SBF2: variants seen among roughly 807,000 people sequenced by gnomAD.
SBF2 encodes the protein SET binding factor 2, also known as myotubularin-related protein 13.
In SBF2, 112 loss-of-function variants were observed where a neutral mutation model predicts 225.2. The observed-to-expected ratio is 0.50, with a 90% CI of 0.43 to 0.58. The LOEUF is 0.58. Ranked by LOEUF, SBF2 falls within the 20% of genes least tolerant of loss-of-function variation. SBF2 has a pLI of 0.00. For missense variants in SBF2, 1,996 were observed against 2,206.2 expected, an observed-to-expected ratio of 0.90 and a Z score of 1.91; for synonymous variants, 763 against 773.3, an observed-to-expected ratio of 0.99 and a Z score of 0.22.
intron 17 of SBF2, among the ~76,000 whole-genome samples, chr11:9,870,219 G>A (rs1010325317): frequency 3.9e-5 from 6 of 152,066 alleles, no homozygotes; most frequent in African/African-American, 1.4e-4. Flanking sequence ...ACAAACAAAT[G>A]GAAAAACATT....
intron 13 of SBF2, among the ~76,000 whole-genome samples, chr11:9,986,116 T>A (rs1452334925): frequency 2.0e-5 from 3 of 152,124 alleles, no homozygotes; most frequent in Non-Finnish European, 4.4e-5. Context: ...AACAGGAAAT[T>A]GACGCCAAAA....
chr11:10,089,927 A>G (rs1951712261), intron 2 of SBF2, among the ~76,000 whole-genome samples: 1 of 152,248 alleles, frequency 6.6e-6, no homozygotes, highest in Non-Finnish European at 1.5e-5. Flanking sequence ...AGGTGGAAAC[A>G]ACCAAAATGT....
intron 1 of SBF2, among the ~76,000 whole-genome samples, chr11:10,258,857 T>C (rs889729655): frequency 6.6e-6 from 1 of 152,094 alleles, no homozygotes; most frequent in Admixed American, 6.5e-5. Context: ...AAGAGCCATA[T>C]AGTGACAATA....
chr11:9,804,878 C>T (rs965973616), intron 32 of SBF2, among the ~76,000 whole-genome samples: 1 of 152,082 alleles, frequency 6.6e-6, no homozygotes, highest in African/African-American at 2.4e-5. Flanking sequence ...TCATGCTACC[C>T]CTTTATAGTC....
intron 1 of SBF2, among the ~76,000 whole-genome samples, chr11:10,197,841 C>T (rs559704996): frequency 6.6e-6 from 1 of 152,290 alleles, no homozygotes; most frequent in Non-Finnish European, 1.5e-5. Flanking sequence ...TTTCAAGAAA[C>T]CATTTTCTTT....
intron 16 of SBF2, among the ~76,000 whole-genome samples, chr11:9,955,312 C>A (rs937574011): frequency 1.3e-5 from 2 of 151,910 alleles, no homozygotes; most frequent in African/African-American, 4.8e-5. Context: ...CTATCATATA[C>A]ATACATACAT....
chr11:10,226,277 C>A (rs11042671), intron 1 of SBF2, among the ~76,000 whole-genome samples: 4 of 152,056 alleles, frequency 2.6e-5, no homozygotes, highest in Non-Finnish European at 4.4e-5. Context: ...TATGAAGTAA[C>A]ATTTAAGAAA....
intron 2 of SBF2, among the ~76,000 whole-genome samples, chr11:10,061,945 G>A (rs1950460768): frequency 1.3e-5 from 2 of 152,146 alleles, no homozygotes; most frequent in Non-Finnish European, 2.9e-5. Flanking sequence ...TCAAACTATA[G>A]TGCAAGGCTA....
chr11:9,910,595 A>T (rs1489857143), intron 16 of SBF2, among the ~76,000 whole-genome samples: 1 of 152,072 alleles, frequency 6.6e-6, no homozygotes, highest in African/African-American at 2.4e-5. Context: ...TTCCAGTGAG[A>T]CAAGATGTGG....
intron 1 of SBF2, among the ~76,000 whole-genome samples, chr11:10,249,612 G>C (rs1334976510): frequency 2.6e-5 from 4 of 151,954 alleles, no homozygotes; most frequent in Non-Finnish European, 5.9e-5. Flanking sequence ...ATAATATCAA[G>C]TGTTTTATAC....
chr11:10,266,582 G>A (rs903002238), intron 1 of SBF2, among the ~76,000 whole-genome samples: 2 of 152,154 alleles, frequency 1.3e-5, no homozygotes, highest in Non-Finnish European at 2.9e-5. Flanking sequence ...AAATTACTCT[G>A]GTGGCAATAT....
chr11:10,103,208 C>T (rs1247123263), intron 2 of SBF2, among the ~76,000 whole-genome samples: 2 of 152,182 alleles, frequency 1.3e-5, no homozygotes, highest in South Asian at 2.1e-4. Flanking sequence ...TTTGTGATAT[C>T]CAGTGTTTTA....
chr11:9,959,770 C>T, intron 16 of SBF2: 1 of 643,676 alleles, frequency 1.6e-6, no homozygotes. Context: ...TAAGTGGGAG[C>T]TTGCTGAGAT....
intron 2 of SBF2, among the ~76,000 whole-genome samples, chr11:10,150,339 T>C (rs1955114553): frequency 6.6e-6 from 1 of 152,172 alleles, no homozygotes; most frequent in African/African-American, 2.4e-5. Context: ...TTAGTCATGA[T>C]TGGATAAAAT....
chr11:10,059,419 A>G (rs189502494), intron 2 of SBF2, among the ~76,000 whole-genome samples: 2 of 152,292 alleles, frequency 1.3e-5, no homozygotes, highest in Admixed American at 6.5e-5. Flanking sequence ...AGAAATAGCA[A>G]TACATAATGA....
chr11:10,137,961 T>C (rs200292432), intron 2 of SBF2, among the ~76,000 whole-genome samples: 5 of 151,846 alleles, frequency 3.3e-5, no homozygotes, highest in East Asian at 1.9e-4. Flanking sequence ...GATTGTGCCA[T>C]TGCACTCCAG....
At chr11:9,886,791 C>T (rs1860355668) in intron 17 of SBF2, among the ~76,000 whole-genome samples, 1 of 141,852 alleles carries the variant, frequency 7.0e-6, no homozygotes, top group African/African-American at 2.5e-5. Flanking sequence ...ATTTATCATT[C>T]ATGGGCACAC....
chr11:9,926,712 A>T (rs1298348962), intron 16 of SBF2, among the ~76,000 whole-genome samples: 1 of 152,204 alleles, frequency 6.6e-6, no homozygotes, highest in Non-Finnish European at 1.5e-5. Flanking sequence ...AAAAATGAAG[A>T]CATATTATAT....
At chr11:10,091,672 T>C (rs1274899719) in intron 2 of SBF2, among the ~76,000 whole-genome samples, 1 of 152,172 alleles carries the variant, frequency 6.6e-6, no homozygotes, top group East Asian at 1.9e-4. Context: ...ATCTCATCAT[T>C]TATTCCACTC....
Sources: allele counts gnomAD v4.1 joint callset (sites outside exome capture counted in the v4.1 genomes callset), GRCh38; gene constraint gnomAD v4.1.1; transcripts MANE v1.5; gene names NCBI Gene and HGNC (gene_info 2026-07-23, HGNC 2026-07-21).